The following SEC13 variants were observed in gnomAD, a reference collection of about 807,000 sequenced individuals.
SEC13 encodes protein SEC13 homolog.
A neutral mutation model predicts 49.2 loss-of-function variants in SEC13; 25 were observed. The observed-to-expected ratio is 0.51, with a 90% CI of 0.37 to 0.71. The LOEUF (loss-of-function observed/expected upper bound fraction) is 0.71. Ranked by LOEUF, SEC13 falls within the 30% of genes least tolerant of loss-of-function variation. SEC13 has a pLI of 0.00. For synonymous variants in SEC13, 148 were observed against 163.9 expected (o/e 0.90, Z 0.74); for missense variants, 383 against 417.6 (o/e 0.92, Z 0.72).
At position 10,312,001 on chromosome 3, in the gene SEC13, G is replaced by C. The variant is rs1355674192; in HGVS notation, c.414C>G (p.Gly138=). The C allele has an allele frequency of 6.2e-7, 1 of 1,614,038 alleles. No individual in the cohort carries two copies. Among genetic ancestry groups the C allele is most frequent in the Non-Finnish European group, 8.5e-7 (1 of 1,180,034 alleles). ...AISLLTYTGE[G]QWEVKKINNA... ...TGTTGATCTTCTTTACTTCCCATTG[G>C]CCTTCCCCGGTGTAAGTCAGCAGGG... Residue 138 remains glycine (G), a synonymous_variant, in exon 5 of 9, where the codon GGC becomes GGG. Coordinates refer to ENST00000350697, the MANE Select transcript of SEC13 (RefSeq NM_183352.3).
At chr3:10,301,434 T>C in intron 8 of SEC13, 60 bp from the exon 9 acceptor site, 2 of 1,602,942 alleles carry the variant, frequency 1.2e-6, no homozygotes, top group Non-Finnish European at 1.7e-6. Flanking sequence ...TGCTGTCCCC[T>C]AAATATGAGC....
intron 7 of SEC13, 29 bp downstream of exon 7, chr3:10,305,004 A>G (rs1360171462): frequency 6.2e-7 from 1 of 1,613,656 alleles, no homozygotes; most frequent in Admixed American, 1.7e-5. Flanking sequence ...AGACTAAATG[A>G]CAAGGGATAC....
At chr3:10,314,112 C>T (rs1701455714) in intron 3 of SEC13, 3 of 147,788 alleles carry the variant, frequency 2.0e-5, no homozygotes, top group African/African-American at 7.3e-5. Flanking sequence ...ATAAATTATA[C>T]AGTAATCAAC....
chr3:10,312,742 G>GAGAT lies in SEC13; in HGVS notation c.165-16_165-13dup. On this transcript the variant is annotated splice_polypyrimidine_tract_variant and intron_variant, in intron 3 of 8. Coordinates refer to ENST00000350697, the MANE Select transcript of SEC13 (RefSeq NM_183352.3). ...CAGGACCCTCATGACTACAAAGGGA[G>GAGAT]AGATAGGCCAGAGGAACCCACAGTG... 1.2e-6 allele frequency: 2 copies of GAGAT among 1,614,034 alleles called. No individual in the cohort carries two copies. Among genetic ancestry groups the GAGAT allele is most frequent in the Non-Finnish European group, 1.7e-6 (2 of 1,179,948 alleles).
chr3:10,304,281 G>A, intron 7 of SEC13, 109 bp from the exon 8 acceptor site: 2 of 1,174,906 alleles, frequency 1.7e-6, no homozygotes, highest in South Asian at 1.4e-5. Context: ...GGAACAGGGT[G>A]GGGGATTCAA....
intron 5 of SEC13, 147 bp downstream of exon 5, chr3:10,311,818 G>A (rs943064737): frequency 3.3e-6 from 5 of 1,537,652 alleles, no homozygotes; most frequent in East Asian, 4.7e-5. Flanking sequence ...GCTCAAAGCT[G>A]CTCTAGAGCA....
In SEC13 at chr3:10,301,353, CTG is replaced by C. The variant is rs1410148721; in HGVS notation, c.875_876del (p.Ser292CysfsTer2). ...GDNKVTLWKE[S>X]VDGQWVCISD... ...CTGATGCACACCCACTGCCCATCAA[CTG>C]ACTCCTTCCACAGGGTCACCTGCGA... On this transcript the variant is annotated frameshift_variant, in exon 9 of 9. Coordinates refer to ENST00000350697, the MANE Select transcript of SEC13 (RefSeq NM_183352.3). LOFTEE classifies it high-confidence loss of function. 1 of 1,614,212 alleles carries C rather than the reference CTG, an allele frequency of 6.2e-7. No individual in the cohort carries two copies. The highest frequency in any genetic ancestry group is 8.5e-7 in the Non-Finnish European group (1 of 1,180,044).
At position 10,312,586 on chromosome 3, in the gene SEC13, G is replaced by A; in HGVS notation, c.309C>T (p.Asp103=). The A allele has an allele frequency of 1.2e-6, 2 of 1,614,190 alleles. No homozygotes were observed. The highest frequency in any genetic ancestry group is 2.2e-5 in the East Asian group (1 of 44,882). Residue 103 remains aspartate (D), a synonymous_variant, in exon 4 of 9, where the codon GAC becomes GAT. Coordinates refer to ENST00000350697, the MANE Select transcript of SEC13 (RefSeq NM_183352.3). ...CTGCCAAGCTCAGCATACCTGAGGA[G>A]TCGTGTCCCGCATGCTCGTGGCTCT... ...WEKSHEHAGH[D]SSVNSVCWAP...
intron 5 of SEC13, among the ~76,000 whole-genome samples, chr3:10,311,326 A>T (rs1053267069): frequency 6.6e-6 from 1 of 152,218 alleles, no homozygotes; most frequent in African/African-American, 2.4e-5. Flanking sequence ...TTAGAAAAAG[A>T]ATAGATACAA....
At chr3:10,305,493 G>C in intron 6 of SEC13, 66 bp downstream of exon 6, 1 of 1,569,148 alleles carries the variant, frequency 6.4e-7, no homozygotes. Context: ...GTGTGGCTGA[G>C]TCATGGTGAG....
At chr3:10,318,484 A>G (rs753217242) in intron 1 of SEC13, among the ~76,000 whole-genome samples, 49 of 151,842 alleles carry the variant, frequency 3.2e-4, no homozygotes, top group Non-Finnish European at 7.1e-4. Context: ...GAGTAGAGAC[A>G]AAGAGGTCTG....
At position 10,316,180 on chromosome 3, in the gene SEC13, G is replaced by A. The variant is rs553748777; in HGVS notation, c.49-744C>T. On this transcript the variant is annotated intron_variant, in intron 2 of 8. Transcript: ENST00000350697. The stretch of plus-strand genomic sequence containing the variant: ...CTACCTGCAGATCCTTGTCCGCAGG[G>A]TGATGGTCTCTGAGGCACCATGCCT... 8.2e-4 allele frequency among the ~76,000 whole-genome samples: 125 copies of A among 152,316 alleles called. 1 individual carries two copies. The highest frequency in any genetic ancestry group is 2.9e-3 in the African/African-American group (121 of 41,556).
At chr3:10,306,030 G>GGCGA in intron 5 of SEC13, 2 of 182,886 alleles carry the variant, frequency 1.1e-5, no homozygotes, top group Non-Finnish European at 2.3e-5. Flanking sequence ...CAAGAATTCT[G>GGCGA]CCACCTGCCT....
At chr3:10,307,634 T>C (rs1164731477) in intron 5 of SEC13, among the ~76,000 whole-genome samples, 1 of 152,124 alleles carries the variant, frequency 6.6e-6, no homozygotes, top group East Asian at 1.9e-4. Flanking sequence ...GTGAGACTTA[T>C]TCACTATCAA....
At chr3:10,317,480 C>CT (rs1206093386) in intron 2 of SEC13, among the ~76,000 whole-genome samples, 1 of 152,094 alleles carries the variant, frequency 6.6e-6, no homozygotes, top group African/African-American at 2.4e-5. Flanking sequence ...GGACCTTCTC[C>CT]TGCAGCCCTG....
At chr3:10,320,597 C>T (rs2059758864) in intron 1 of SEC13, 1 of 992,408 alleles carries the variant, frequency 1.0e-6, no homozygotes, top group Admixed American at 6.1e-5. Flanking sequence ...GGGTTCAAAT[C>T]TCGGCTCTAC....
At chr3:10,311,853 C>T (rs1553637291) in intron 5 of SEC13, 112 bp downstream of exon 5, 1 of 1,598,994 alleles carries the variant, frequency 6.3e-7, no homozygotes, top group South Asian at 1.1e-5. Flanking sequence ...GCTGACCACT[C>T]CCCGGCCCAC....
intron 5 of SEC13, among the ~76,000 whole-genome samples, chr3:10,310,193 TAAA>T (rs1217534936): frequency 6.6e-6 from 1 of 151,932 alleles, no homozygotes; most frequent in Non-Finnish European, 1.5e-5. Context: ...AAAATGCAAA[TAAA>T]AATCACAATA....
intron 8 of SEC13, 165 bp downstream of exon 8, chr3:10,303,861 G>C (rs1266132356): frequency 1.4e-6 from 1 of 707,858 alleles, no homozygotes; most frequent in African/African-American, 1.7e-5. Context: ...ACTACCTCAG[G>C]GGCTGTGACA....
Sources: gnomAD v4.1 joint callset for allele counts (sites outside exome capture counted in the v4.1 genomes callset) on GRCh38, gnomAD v4.1.1 for gene constraint, MANE v1.5 for transcripts, NCBI Gene and HGNC (gene_info 2026-07-23, HGNC 2026-07-21) for gene names.